Variants in SLC2A13 observed in about 807,000 individuals in gnomAD.
SLC2A13 encodes the protein solute carrier family 2 member 13.
SLC2A13 carries 32 observed loss-of-function variants against 64.4 expected under a neutral mutation model. The observed-to-expected ratio is 0.50, with a 90% CI of 0.37 to 0.67. The LOEUF (loss-of-function observed/expected upper bound fraction) is 0.67, where lower values mean the gene tolerates loss of function less well. SLC2A13 is among the 30% of genes least tolerant of loss of function. The pLI, the probability that SLC2A13 is intolerant of heterozygous loss-of-function variation, is 0.00. For synonymous variants in SLC2A13, 338 were observed against 327.1 expected, an observed-to-expected ratio of 1.03 and a Z score of -0.36; for missense variants, 743 against 829.2, an observed-to-expected ratio of 0.90 and a Z score of 1.28.
chr12:40,074,986 T>C (rs1286753089), intron 1 of SLC2A13, among the ~76,000 whole-genome samples: 1 of 152,174 alleles, frequency 6.6e-6, no homozygotes, highest in Non-Finnish European at 1.5e-5. Flanking sequence ...TAGAGAGAAC[T>C]AGAATTGGGT....
chr12:39,770,437 CA>C (rs1940520919), intron 7 of SLC2A13, among the ~76,000 whole-genome samples: 1 of 152,150 alleles, frequency 6.6e-6, no homozygotes, highest in South Asian at 2.1e-4. Context: ...CATATTCATT[CA>C]AAAGCTTATA....
intron 4 of SLC2A13, among the ~76,000 whole-genome samples, chr12:39,886,547 T>C (rs990644008): frequency 9.9e-5 from 15 of 152,278 alleles, no homozygotes; most frequent in African/African-American, 3.6e-4. Context: ...CCGAGAAGTA[T>C]TGAACCATCT....
chr12:39,894,758 G>GGCA (rs1944697361), intron 4 of SLC2A13, among the ~76,000 whole-genome samples: 1 of 152,070 alleles, frequency 6.6e-6, no homozygotes, highest in African/African-American at 2.4e-5. Context: ...GGCTTTGGCT[G>GGCA]GCAGCACAAG....
chr12:40,049,063 C>G (rs897893696), intron 1 of SLC2A13, among the ~76,000 whole-genome samples: 20 of 152,054 alleles, frequency 1.3e-4, no homozygotes, highest in Non-Finnish European at 2.5e-4. Flanking sequence ...AAGTCTCACC[C>G]TCTTGTGGCC....
intron 4 of SLC2A13, among the ~76,000 whole-genome samples, chr12:39,925,832 A>G (rs1945718910): frequency 6.6e-6 from 1 of 152,220 alleles, no homozygotes. Flanking sequence ...AGCAAATCCA[A>G]TTAATCATTC....
At chr12:39,888,168 C>T (rs946394452) in intron 4 of SLC2A13, among the ~76,000 whole-genome samples, 1 of 152,004 alleles carries the variant, frequency 6.6e-6, no homozygotes, top group African/African-American at 2.4e-5. Context: ...TGCTGCCTGC[C>T]CAGTTCATGG....
In SLC2A13 at chr12:39,899,923, G is replaced by A. The variant is rs140508272; in HGVS notation, c.1035-27962C>T. 1.3e-3 allele frequency among the ~76,000 whole-genome samples: 203 copies of A among 152,158 alleles called. 1 individual carries two copies. Among genetic ancestry groups the A allele is most frequent in the African/African-American group, 4.8e-3 (200 of 41,538 alleles). On this transcript the variant is annotated intron_variant, in intron 4 of 9. Transcript: ENST00000280871. ...CAACTATGTGGTCAATTTTGGAATAGGTGTGGGGTGGTGCTGAAAAAAATA... is the reference window on the plus strand; with the variant it reads ...CAACTATGTGGTCAATTTTGGAATAAGTGTGGGGTGGTGCTGAAAAAAATA...
rs1946531898 is a variant in SLC2A13, at chr12:39,967,063, G to A, written c.926-15698C>T. Among the ~76,000 whole-genome samples the A allele has an allele frequency of 3.3e-5, 5 of 152,128 alleles. No homozygotes were observed. The South Asian group carries it at 1.0e-3, about 31-fold the overall frequency. On this transcript the variant is annotated intron_variant, in intron 3 of 9. Coordinates refer to ENST00000280871, the MANE Select transcript of SLC2A13 (RefSeq NM_052885.4). ...CAATCTGTGAAGGGAGTCAGGATGT[G>A]TCTATTTAAAATACTGACTGAAATT...
chr12:39,813,882 C>T (rs145402178), intron 7 of SLC2A13, among the ~76,000 whole-genome samples: 36 of 152,306 alleles, frequency 2.4e-4, no homozygotes, highest in East Asian at 9.6e-4. Context: ...TTCCATTTTA[C>T]GCTGAAGAAT....
chr12:39,944,596 T>TC (rs1946104223), intron 4 of SLC2A13, among the ~76,000 whole-genome samples: 1 of 152,224 alleles, frequency 6.6e-6, no homozygotes, highest in Non-Finnish European at 1.5e-5. Flanking sequence ...TTATATACTG[T>TC]CCCTCTTTGT....
intron 7 of SLC2A13, chr12:39,802,264 T>C (rs1435634277): frequency 1.3e-5 from 2 of 152,200 alleles, no homozygotes; most frequent in Admixed American, 1.3e-4. Context: ...ATGCAGGTCC[T>C]CATATTATGT....
intron 3 of SLC2A13, among the ~76,000 whole-genome samples, chr12:39,995,831 C>T (rs1034954835): frequency 2.2e-4 from 34 of 152,254 alleles, no homozygotes; most frequent in African/African-American, 7.0e-4. Flanking sequence ...CGGGAGTTTC[C>T]CTGCACAAGC....
intron 3 of SLC2A13, among the ~76,000 whole-genome samples, chr12:40,002,444 C>T (rs1405426413): frequency 6.6e-6 from 1 of 152,148 alleles, no homozygotes; most frequent in Admixed American, 6.5e-5. Context: ...TTGCCTATCA[C>T]AACTGAAAAC....
In SLC2A13 at chr12:40,028,408, T is replaced by C. The variant is rs774283512; in HGVS notation, c.818A>G (p.Gln273Arg). The C allele has an allele frequency of 6.2e-7, 1 of 1,614,116 alleles. No individual in the cohort carries two copies. The highest frequency in any genetic ancestry group is 1.1e-5 in the South Asian group (1 of 91,078). ...CTGAGATAAAATTCTACGGGCCTTC[T>C]GAGTCTGTCCTTTCTGAATAAGCCA... ...PRWLIQKGQT[Q>R]KARRILSQMR... Residue 273 changes from glutamine to arginine, a missense_variant, in exon 3 of 10, where the codon CAG becomes CGG. Coordinates refer to ENST00000280871, the MANE Select transcript of SLC2A13 (RefSeq NM_052885.4).
chr12:39,954,861 T>C (rs1035382406), intron 3 of SLC2A13, among the ~76,000 whole-genome samples: 14 of 152,122 alleles, frequency 9.2e-5, no homozygotes, highest in African/African-American at 3.1e-4. Context: ...TATTAATACT[T>C]GAAAGAAAAA....
chr12:40,100,023 C>T (rs577130514), intron 1 of SLC2A13, among the ~76,000 whole-genome samples: 4 of 152,206 alleles, frequency 2.6e-5, no homozygotes, highest in East Asian at 3.9e-4. Flanking sequence ...ACATTGATCT[C>T]AACATTGCAT....
At chr12:39,848,527 A>G (rs531391640) in intron 6 of SLC2A13, among the ~76,000 whole-genome samples, 3 of 152,304 alleles carry the variant, frequency 2.0e-5, no homozygotes, top group Non-Finnish European at 2.9e-5. Context: ...AAAATAACAG[A>G]TGCTGGTGAG....
Position 39,826,655 on chromosome 12 carries a change from TAA to T in SLC2A13, c.1445+3446_1445+3447del, listed in dbSNP as rs559166915. On this transcript the variant is annotated intron_variant, in intron 7 of 9. Transcript: ENST00000280871. ...AAAAACTCATTAGAAGGCTTTTTTC[TAA>T]AAGTTCTCATACCACATCCTATGTC... Among the ~76,000 whole-genome samples, 684 of 151,450 alleles carry T rather than the reference TAA, an allele frequency of 4.5e-3. 17 individuals carry two copies. The highest frequency in any genetic ancestry group is 1.3e-3 in the Non-Finnish European group (91 of 67,816).
intron 3 of SLC2A13, among the ~76,000 whole-genome samples, chr12:39,999,683 C>G (rs1947292871): frequency 6.6e-6 from 1 of 152,160 alleles, no homozygotes; most frequent in Non-Finnish European, 1.5e-5. Flanking sequence ...TTGCCCTTTG[C>G]CTTGTGATCT....
Sources: allele counts gnomAD v4.1 joint callset (sites outside exome capture counted in the v4.1 genomes callset), GRCh38; gene constraint gnomAD v4.1.1; transcripts MANE v1.5; gene names NCBI Gene and HGNC (gene_info 2026-07-23, HGNC 2026-07-21).